Variants in SYNE1 observed in about 807,000 individuals in gnomAD.
The protein encoded by SYNE1 is nesprin-1.
SYNE1 carries 616 observed loss-of-function variants against 1,111.0 expected under a neutral mutation model. The observed-to-expected ratio is 0.55, with a 90% confidence interval of 0.52 to 0.59. The LOEUF (loss-of-function observed/expected upper bound fraction) is 0.59. SYNE1 is among the 20% of genes least tolerant of loss of function. SYNE1 has a pLI of 0.00. For synonymous variants in SYNE1, 3,855 were observed against 3,825.8 expected (o/e 1.01, Z -0.28); for missense variants, 10,006 against 10,417.0 (o/e 0.96, Z 1.72).
At chr6:152,362,385 A>G in intron 63 of SYNE1, 62 bp from the exon 64 acceptor site, 2 of 1,607,884 alleles carry the variant, frequency 1.2e-6, no homozygotes, top group Non-Finnish European at 1.7e-6. Context: ...CTAAAATGTC[A>G]TTGTGTCTGC....
chr6:152,484,963 G>A lies in SYNE1; in HGVS notation c.1057C>T (p.His353Tyr). Residue 353 changes from histidine (H) to tyrosine (Y), a missense_variant, in exon 13 of 146, where the codon CAC becomes TAC. By Grantham distance (83) the His-to-Tyr change is moderately conservative. Around this residue, in one of 7 missense-constraint regions of SYNE1, gnomAD observed 1,971 missense variants for 2,084.1 expected, o/e 0.95. Coordinates refer to ENST00000367255, the MANE Select transcript of SYNE1 (RefSeq NM_182961.4). The stretch of plus-strand genomic sequence containing the variant: ...TTCATTTCATATTGAACTCTGAAGT[G>A]CTTAAATGACTAAAAGAGGAAAAAC... ...NLQDKYQSFK[H>Y]FRVQYEMKRK... The A allele has an allele frequency of 4.3e-6, 7 of 1,611,766 alleles. No individual in the cohort carries two copies. The highest frequency in any genetic ancestry group is 5.9e-6 in the Non-Finnish European group (7 of 1,179,372).
Position 152,311,107 on chromosome 6 carries a change from C to T in SYNE1, c.16711-234G>A, listed in dbSNP as rs141734853. Reference sequence around the variant, plus strand: ...CAATGTGCAGAGGTCACATGTCATACTACGTGTGGGACCATGAAGCTCCTG... The same window carrying T: ...CAATGTGCAGAGGTCACATGTCATATTACGTGTGGGACCATGAAGCTCCTG... On this transcript the variant is annotated intron_variant, in intron 87 of 145. Transcript: ENST00000367255. 2.4e-4 allele frequency: 135 copies of T among 561,400 alleles called. 1 individual carries two copies. Among genetic ancestry groups the T allele is most frequent in the African/African-American group, 2.4e-3 (126 of 53,414 alleles). 34.8% of individuals were successfully genotyped at this position (561,400 alleles called of 1,614,324 possible).
chr6:152,375,083 G>GGC (rs1343274422), intron 58 of SYNE1, among the ~76,000 whole-genome samples: 1 of 151,956 alleles, frequency 6.6e-6, no homozygotes, highest in African/African-American at 2.4e-5. Context: ...TAGGATTACG[G>GGC]GCGCCTGCCA....
chr6:152,207,956 GTGT>G lies in SYNE1; in HGVS notation c.22824+13_22824+15del, dbSNP rs751281810. 9.3e-6 allele frequency: 15 copies of G among 1,613,334 alleles called. No individual in the cohort carries two copies. Among genetic ancestry groups the G allele is most frequent in the African/African-American group, 2.7e-5 (2 of 74,916 alleles). Reference sequence around the variant, plus strand: ...AATGCCTAAGAGGTGTGAGAACACTGTGTTTTGCATCTTACCTGCACTTCATCA... The same window carrying G: ...AATGCCTAAGAGGTGTGAGAACACTGTTTGCATCTTACCTGCACTTCATCA... On this transcript the variant is annotated intron_variant, in intron 125 of 145. Coordinates refer to ENST00000367255, the MANE Select transcript of SYNE1 (RefSeq NM_182961.4).
chr6:152,275,259 A>T (rs1471389503), intron 98 of SYNE1, among the ~76,000 whole-genome samples: 1 of 152,138 alleles, frequency 6.6e-6, no homozygotes, highest in Non-Finnish European at 1.5e-5. Flanking sequence ...GTATACTGGC[A>T]AAGGTTTTCC....
intron 66 of SYNE1, among the ~76,000 whole-genome samples, chr6:152,356,595 AG>A (rs2096843579): frequency 6.6e-6 from 1 of 151,230 alleles, no homozygotes; most frequent in Non-Finnish European, 1.5e-5. Flanking sequence ...CTAGGCCTTC[AG>A]GTTATACAAA....
intron 73 of SYNE1, among the ~76,000 whole-genome samples, chr6:152,344,969 G>C (rs1018816678): frequency 2.0e-5 from 3 of 152,094 alleles, no homozygotes; most frequent in Non-Finnish European, 2.9e-5. Context: ...AGTTTAACCT[G>C]GCATTTCTTT....
At chr6:152,467,862 A>G (rs1398333962) in intron 16 of SYNE1, among the ~76,000 whole-genome samples, 1 of 152,110 alleles carries the variant, frequency 6.6e-6, no homozygotes, top group Non-Finnish European at 1.5e-5. Context: ...CATGGAGTAA[A>G]TGCATTTAGC....
intron 118 of SYNE1, 49 bp downstream of exon 118, chr6:152,221,377 A>G (rs773853615): frequency 6.3e-7 from 1 of 1,599,802 alleles, no homozygotes; most frequent in South Asian, 1.1e-5. Context: ...ATCATTATTT[A>G]TAATAAGGCT....
Position 152,483,209 on chromosome 6 carries a change from G to A in SYNE1, c.1226C>T (p.Ala409Val). ...WHIQLDKSLPAPLGTIGAWLY... is the reference protein window; with the variant it reads ...WHIQLDKSLPVPLGTIGAWLY... ...CCAGGCACCTATGGTGCCCAGAGGT[G>A]CAGGAAGAGATTTATCAAGCTGTAT... Residue 409 changes from alanine (A) to valine (V), a missense_variant, in exon 14 of 146, where the codon GCA becomes GTA. By Grantham distance (64) the Ala-to-Val change is moderately conservative (BLOSUM62 0). Around this residue, in one of 7 missense-constraint regions of SYNE1, gnomAD observed 1,971 missense variants for 2,084.1 expected, o/e 0.95. Transcript: ENST00000367255. 1.2e-6 allele frequency: 2 copies of A among 1,614,198 alleles called. No homozygotes were observed. Among genetic ancestry groups the A allele is most frequent in the Non-Finnish European group, 1.7e-6 (2 of 1,180,008 alleles).
In SYNE1 at chr6:152,526,213, C is replaced by T. The variant is rs567312787; in HGVS notation, c.130-38G>A. 8.2e-6 allele frequency: 13 copies of T among 1,582,778 alleles called. No individual in the cohort carries two copies. The South Asian group carries it at 1.0e-4, about 12-fold the overall frequency. ...AGAGGAATAAGTGCAGAAAATATCT[C>T]TTCCCTCTCTGTTTCTCTCTTTCTC... On this transcript the variant is annotated intron_variant, in intron 4 of 145. Transcript: ENST00000367255.
At chr6:152,506,183 G>T (rs139711002) in intron 8 of SYNE1, among the ~76,000 whole-genome samples, 161 of 152,316 alleles carry the variant, frequency 1.1e-3, no homozygotes, top group Non-Finnish European at 1.9e-3. Context: ...TTGGAAAAGA[G>T]AAGCGAGGCA....
At chr6:152,312,669 A>G (rs930919372) in intron 87 of SYNE1, among the ~76,000 whole-genome samples, 1 of 149,284 alleles carries the variant, frequency 6.7e-6, no homozygotes, top group African/African-American at 2.4e-5. Context: ...ATATAAATAT[A>G]TCAAATAGAA....
At chr6:152,359,992 GC>G (rs1249156673) in intron 64 of SYNE1, among the ~76,000 whole-genome samples, 7 of 152,222 alleles carry the variant, frequency 4.6e-5, no homozygotes, top group African/African-American at 1.7e-4. Context: ...AAACTCCCCA[GC>G]CCAGGCTGCC....
In SYNE1 at chr6:152,381,352, T is replaced by A. The variant is rs1184722528; in HGVS notation, c.8663A>T (p.Asp2888Val). ...ACGGCTTGCACCAATCTCTCTGGAA[T>A]CTATCAGCTCCTGTAATGGAATATC... ...KKLSKIKELI[D>V]SREIGASRLS... is the part of the protein sequence containing the mutation. The change falls in exon 56 of 146, where the codon GAT becomes GTT. Residue 2888 changes from aspartate (D) to valine (V), a missense_variant. Transcript: ENST00000367255. 2.0e-5 allele frequency: 32 copies of A among 1,613,518 alleles called. No homozygotes were observed. The highest frequency in any genetic ancestry group is 2.6e-5 in the Non-Finnish European group (31 of 1,180,030).
At chr6:152,179,673 C>CTTTTTTTTTTTTTTTTTTTTTTTTTTTTT (rs796260764) in intron 129 of SYNE1, among the ~76,000 whole-genome samples, 6 of 55,104 alleles carry the variant, frequency 1.1e-4, no homozygotes, top group South Asian at 7.5e-4. Flanking sequence ...GCTGGATATC[C>CTTTTTTTTTTTTTTTTTTTTTTTTTTTTT]TTTTTTTTTT....
chr6:152,157,877 G>A lies in SYNE1; in HGVS notation c.23791-1780C>T, dbSNP rs550879044. Among the ~76,000 whole-genome samples, 54 of 151,568 alleles carry A rather than the reference G, an allele frequency of 3.6e-4. 1 individual carries two copies. The South Asian group carries it at 0.011, about 31-fold the overall frequency. The stretch of plus-strand genomic sequence containing the variant: ...TTCTCCTCCTCATTCTCCTGCCTCA[G>A]CCTCCTGAGTAGCTGGGATTACAGG... On this transcript the variant is annotated intron_variant, in intron 131 of 145. Transcript: ENST00000367255.
intron 126 of SYNE1, among the ~76,000 whole-genome samples, chr6:152,205,148 TA>T (rs201591711): frequency 0.074 from 10,731 of 145,524 alleles, 879 homozygotes; most frequent in African/African-American, 0.2. Context: ...CTTTAAGCAT[TA>T]AAAAAAAAAA....
chr6:152,534,049 C>T (rs2099219891), intron 4 of SYNE1, among the ~76,000 whole-genome samples: 2 of 151,938 alleles, frequency 1.3e-5, no homozygotes, highest in African/African-American at 4.8e-5. Flanking sequence ...ATCCCAGCTA[C>T]TCAGGAGGCT....
Sources: gnomAD v4.1 joint callset for allele counts (sites outside exome capture counted in the v4.1 genomes callset) on GRCh38, gnomAD v4.1.1 for gene constraint, gnomAD v4.1.1 regional missense constraint, MANE v1.5 for transcripts, NCBI Gene and HGNC (gene_info 2026-07-23, HGNC 2026-07-21) for gene names.